Variants in SLC44A4 observed in about 807,000 individuals in gnomAD.
SLC44A4 encodes choline transporter-like protein 4.
A neutral mutation model predicts 97.0 loss-of-function variants in SLC44A4; 74 were observed. The observed-to-expected ratio is 0.76, with a 90% confidence interval of 0.63 to 0.93. The LOEUF is 0.93. SLC44A4 is among the 40% of genes least tolerant of loss of function. The pLI is 0.00. For missense variants in SLC44A4, 799 were observed against 902.9 expected (o/e 0.88, Z 1.48); for synonymous variants, 325 against 363.8 (o/e 0.89, Z 1.21).
Position 31,863,400 on chromosome 6 carries a change from A to AT in SLC44A4, c.*226dup. The AT allele has an allele frequency of 2.1e-6, 1 of 467,558 alleles. No individual in the cohort carries two copies. Among genetic ancestry groups the AT allele is most frequent in the Non-Finnish European group, 3.6e-6 (1 of 278,704 alleles). 29.0% of individuals were successfully genotyped at this position (467,558 alleles called of 1,614,324 possible). A position where few individuals can be genotyped will look rare whatever the true frequency, so the allele number is the denominator to read the frequency against. Reference sequence around the variant, plus strand: ...GCCACCACTCTCGGCTAATTTTTGTATTTTTAATAGAGACGGAGGTTTCAC... The same window carrying AT: ...GCCACCACTCTCGGCTAATTTTTGTATTTTTTAATAGAGACGGAGGTTTCAC... On this transcript the variant is annotated 3_prime_UTR_variant, in exon 21 of 21. Transcript: ENST00000229729.
In SLC44A4 at chr6:31,869,644, G is replaced by A; in HGVS notation, c.1038-7C>T. ...CATCATCTGTCCCACAGCCCTGCAG[G>A]GAGACAAAGCTGTTAACCGGCACCG... On this transcript the variant is annotated splice_polypyrimidine_tract_variant and splice_region_variant and intron_variant, in intron 11 of 20. Coordinates refer to ENST00000229729, the MANE Select transcript of SLC44A4 (RefSeq NM_025257.3). 3 of 1,594,434 alleles carry A rather than the reference G, an allele frequency of 1.9e-6. No individual in the cohort carries two copies. The highest frequency in any genetic ancestry group is 2.6e-6 in the Non-Finnish European group (3 of 1,170,540).
chr6:31,872,832 T>C (rs891792614), intron 7 of SLC44A4, among the ~76,000 whole-genome samples: 3 of 152,058 alleles, frequency 2.0e-5, no homozygotes, highest in Admixed American at 1.3e-4. Context: ...AGATACTCCT[T>C]ACTGTACTTA....
rs1341836199 is a variant in SLC44A4 at position 31,863,568 on chromosome 6, T to C, written c.*59A>G. 6.4e-7 allele frequency: 1 copy of C among 1,553,886 alleles called. No homozygotes were observed. Among genetic ancestry groups the C allele is most frequent in the Non-Finnish European group, 8.7e-7 (1 of 1,152,344 alleles). ...CAAAATGGAGACCTGTAAGGCGAAGTGAGGTTGGATGGCTGGACGGTGGGG... is the reference window on the plus strand; with the variant it reads ...CAAAATGGAGACCTGTAAGGCGAAGCGAGGTTGGATGGCTGGACGGTGGGG... On this transcript the variant is annotated 3_prime_UTR_variant, in exon 21 of 21. Transcript: ENST00000229729.
In SLC44A4 at chr6:31,866,101, G is replaced by A. The variant is rs775543367; in HGVS notation, c.1259C>T (p.Pro420Leu). The A allele has an allele frequency of 1.2e-6, 2 of 1,614,070 alleles. No individual in the cohort carries two copies. The highest frequency in any genetic ancestry group is 8.5e-7 in the Non-Finnish European group (1 of 1,180,004). The change falls in exon 14 of 21, where the codon CCA (proline) becomes CTA (leucine). Residue 420 changes from proline to leucine, a missense_variant. Around this residue, in one of 3 missense-constraint regions of SLC44A4, gnomAD observed 379 missense variants for 438.3 expected, o/e 0.86. Transcript: ENST00000229729. ...PTAHLVNSSC[P>L]GLMCVFQGYS... ...GCCCTGGAAGACGCACATCAGCCCT[G>A]GGCACGAGGAGTTCACAAGGTGGGC... is the stretch of plus-strand genomic sequence containing the variant.
Position 31,870,840 on chromosome 6 carries a change from C to T in SLC44A4, c.909G>A (p.Gln303=). The T allele has an allele frequency of 6.2e-7, 1 of 1,613,062 alleles. No homozygotes were observed. Among genetic ancestry groups the T allele is most frequent in the South Asian group, 1.1e-5 (1 of 91,088 alleles). The part of the protein sequence containing the change: ...LGFTTNLSAY[Q]SVQETWLAAL... ...CGGCCAGCCAGGTCTCCTGCACGCT[C>T]TGGTAGGCACTGAGGTTGGTGGTGA... The change falls in exon 10 of 21, where the codon CAG becomes CAA. Residue 303 remains glutamine (Q), a synonymous_variant. Coordinates refer to ENST00000229729, the MANE Select transcript of SLC44A4 (RefSeq NM_025257.3).
Position 31,863,768 on chromosome 6 carries a change from G to A in SLC44A4, c.2012-20C>T, listed in dbSNP as rs762202451. On this transcript the variant is annotated intron_variant, in intron 20 of 20. Transcript: ENST00000229729. ...CTTCCACTGAGCCGCAACAGAGACC[G>A]GTTAGAGCGGACCCTGGGGCCAGGA... 1.2e-5 allele frequency: 19 copies of A among 1,611,678 alleles called. No homozygotes were observed. The highest frequency in any genetic ancestry group is 5.0e-5 in the Admixed American group (3 of 59,832).
In SLC44A4 at chr6:31,874,377, C is replaced by A; in HGVS notation, c.529+83G>T. On this transcript the variant is annotated intron_variant, in intron 7 of 20. Coordinates refer to ENST00000229729, the MANE Select transcript of SLC44A4 (RefSeq NM_025257.3). This position sits in a 1 kb window ranked among gnomAD's most constrained non-coding sequence, Gnocchi z 4.8. ...GCCACCAACAAGCTATGTGACTTCACTCTCTCTGGGCCTGATTTCTTCATT... is the reference window on the plus strand; with the variant it reads ...GCCACCAACAAGCTATGTGACTTCAATCTCTCTGGGCCTGATTTCTTCATT... The A allele has an allele frequency of 7.5e-7, 1 of 1,338,270 alleles. No individual in the cohort carries two copies. The highest frequency in any genetic ancestry group is 1.4e-5 in the African/African-American group (1 of 69,390). 82.9% of individuals were successfully genotyped at this position (1,338,270 alleles called of 1,614,324 possible).
rs1762784355 is a variant in SLC44A4 at position 31,865,249 on chromosome 6, C to T, written c.1760+66G>A. The stretch of plus-strand genomic sequence containing the variant: ...AGGGCCCGACTGAGCACAGCACACC[C>T]ACGAAGCCAGCCTTGGGTGGGAGAT... On this transcript the variant is annotated intron_variant, in intron 17 of 20. Transcript: ENST00000229729. This position sits in a 1 kb window ranked among gnomAD's most constrained non-coding sequence, Gnocchi z 5.2. 1.9e-6 allele frequency: 3 copies of T among 1,593,798 alleles called. No individual in the cohort carries two copies.
In SLC44A4 at chr6:31,874,412, A is replaced by C; in HGVS notation, c.529+48T>G. 6.3e-7 allele frequency: 1 copy of C among 1,599,026 alleles called. No homozygotes were observed. The highest frequency in any genetic ancestry group is 8.6e-7 in the Non-Finnish European group (1 of 1,167,548). The stretch of plus-strand genomic sequence containing the variant: ...GCCTGATTTCTTCATTCAAGCAATG[A>C]AAACACTGGACTAGATGACGTCTGA... On this transcript the variant is annotated intron_variant, in intron 7 of 20. Transcript: ENST00000229729. This position sits in a 1 kb window ranked among gnomAD's most constrained non-coding sequence, Gnocchi z 4.8.
At chr6:31,863,847 A>G in intron 20 of SLC44A4, 99 bp from the exon 21 acceptor site, 1 of 1,500,986 alleles carries the variant, frequency 6.7e-7, no homozygotes, top group Non-Finnish European at 9.1e-7. Context: ...AAGCTGCACC[A>G]CCACCCTTAC....
chr6:31,871,141 T>C (rs1763152902), intron 9 of SLC44A4, 94 bp from the exon 10 acceptor site: 4 of 1,306,350 alleles, frequency 3.1e-6, no homozygotes, highest in Non-Finnish European at 4.3e-6. Flanking sequence ...CACCACCCAA[T>C]GTCCCCAGAT....
chr6:31,871,200 G>C, intron 9 of SLC44A4, 114 bp downstream of exon 9: 1 of 1,301,256 alleles, frequency 7.7e-7, no homozygotes, highest in South Asian at 1.2e-5. Context: ...TCCATTCGGA[G>C]CTCTGGCTCC....
Position 31,866,078 on chromosome 6 carries a change from C to G in SLC44A4, c.1282G>C (p.Gly428Arg). 1 of 1,614,052 alleles carries G rather than the reference C, an allele frequency of 6.2e-7. No homozygotes were observed. The highest frequency in any genetic ancestry group is 1.6e-4 in the Middle Eastern group (1 of 6,062). ...SCPGLMCVFQ[G>R]YSSKGLIQRS... ...TGGATTAGGCCTTTGGATGAGTAGCCCTGGAAGACGCACATCAGCCCTGGG... is the reference window on the plus strand; with the variant it reads ...TGGATTAGGCCTTTGGATGAGTAGCGCTGGAAGACGCACATCAGCCCTGGG... Residue 428 changes from glycine to arginine, a missense_variant, in exon 14 of 21, where the codon GGC becomes CGC. Physicochemically the swap from Gly to Arg is moderately radical, Grantham distance 125. Coordinates refer to ENST00000229729, the MANE Select transcript of SLC44A4 (RefSeq NM_025257.3).
In SLC44A4 at chr6:31,865,176, A is replaced by G; in HGVS notation, c.1761-96T>C. 2 of 1,547,270 alleles carry G rather than the reference A, an allele frequency of 1.3e-6. No individual in the cohort carries two copies. Among genetic ancestry groups the G allele is most frequent in the Non-Finnish European group, 1.8e-6 (2 of 1,119,754 alleles). On this transcript the variant is annotated intron_variant, in intron 17 of 20. Transcript: ENST00000229729. This position sits in a 1 kb window ranked among gnomAD's most constrained non-coding sequence, Gnocchi z 5.2. The stretch of plus-strand genomic sequence containing the variant: ...TTTGTGGGGACTGGTGCAAAATGAA[A>G]ATTGTTCACGTTTCAAGATGGCAAG...
chr6:31,864,680 C>T lies in SLC44A4; in HGVS notation c.1983G>A (p.Met661Ile). 6.2e-7 allele frequency: 1 copy of T among 1,614,000 alleles called. No homozygotes were observed. Among genetic ancestry groups the T allele is most frequent in the Non-Finnish European group, 8.5e-7 (1 of 1,180,014 alleles). Reference protein sequence around the residue: ...IASGFFSVFGMCVDTLFLCFL... With the variant: ...IASGFFSVFGICVDTLFLCFL... ...AGCAGAGGAAGAGCGTGTCCACACACATGCCGAAAACGCTGAAGAAGCCGC... is the reference window on the plus strand; with the variant it reads ...AGCAGAGGAAGAGCGTGTCCACACATATGCCGAAAACGCTGAAGAAGCCGC... Residue 661 changes from methionine (M) to isoleucine (I), a missense_variant, in exon 20 of 21, where the codon ATG (methionine) becomes ATA (isoleucine). Transcript: ENST00000229729.
chr6:31,872,609 T>G (rs772328980), intron 7 of SLC44A4, among the ~76,000 whole-genome samples: 1 of 147,564 alleles, frequency 6.8e-6, no homozygotes, highest in South Asian at 2.2e-4. Context: ...CATAGCTCAC[T>G]GTAACCTCCA....
At chr6:31,866,553 G>A (rs1228143678) in intron 13 of SLC44A4, among the ~76,000 whole-genome samples, 1 of 152,160 alleles carries the variant, frequency 6.6e-6, no homozygotes, top group Non-Finnish European at 1.5e-5. Flanking sequence ...GCATGTACAG[G>A]TGAAATGGCA....
chr6:31,878,490 C>A lies in SLC44A4; in HGVS notation c.40+451G>T, dbSNP rs1763578372. Among the ~76,000 whole-genome samples, 1 of 152,158 alleles carries A rather than the reference C, an allele frequency of 6.6e-6. No homozygotes were observed. Among genetic ancestry groups the A allele is most frequent in the Non-Finnish European group, 1.5e-5 (1 of 68,014 alleles). On this transcript the variant is annotated intron_variant, in intron 1 of 20. Transcript: ENST00000229729. This position sits in a 1 kb window ranked among gnomAD's most constrained non-coding sequence, Gnocchi z 4.0. ...CAGCTTTCGCCCTCAGAGACCCAGA[C>A]TCCAGGCTGAACCTCCTCCTCCTTA...
In SLC44A4 at chr6:31,875,126, G is replaced by C. The variant is rs935731119; in HGVS notation, c.243-98C>G. On this transcript the variant is annotated intron_variant, in intron 4 of 20. Transcript: ENST00000229729. ...GCTTCTCAAGAATACAGTGGGCCCAGCCCAGCGTGGCCCATACCAGTCACC... is the reference window on the plus strand; with the variant it reads ...GCTTCTCAAGAATACAGTGGGCCCACCCCAGCGTGGCCCATACCAGTCACC... 2.2e-5 allele frequency: 19 copies of C among 882,642 alleles called. No individual in the cohort carries two copies. The African/African-American group carries it at 2.6e-4, about 12-fold the overall frequency. 54.7% of individuals were successfully genotyped at this position (882,642 alleles called of 1,614,324 possible).
Sources: gnomAD v4.1 joint callset for allele counts (sites outside exome capture counted in the v4.1 genomes callset) on GRCh38, gnomAD v4.1.1 for gene constraint, gnomAD v4.1.1 regional missense constraint, Gnocchi (gnomAD v3.1) non-coding constraint, MANE v1.5 for transcripts, NCBI Gene and HGNC (gene_info 2026-07-23, HGNC 2026-07-21) for gene names.